EXOC4: variants seen among roughly 807,000 people sequenced by gnomAD.
EXOC4 encodes SEC8-like 1.
A neutral mutation model predicts 107.2 loss-of-function variants in EXOC4; 71 were observed. The observed-to-expected ratio is 0.66, with a 90% confidence interval of 0.55 to 0.81. The LOEUF is 0.81. Among genes scored for constraint, EXOC4 ranks in the 30% least tolerant of loss-of-function variants. The pLI, the probability that EXOC4 is intolerant of heterozygous loss-of-function variation, is 0.00. For synonymous variants in EXOC4, 456 were observed against 441.2 expected (o/e 1.03, Z -0.42); for missense variants, 1,108 against 1,189.6 (o/e 0.93, Z 1.01).
At chr7:133,311,203 C>T (rs887918699) in intron 4 of EXOC4, among the ~76,000 whole-genome samples, 5 of 151,874 alleles carry the variant, frequency 3.3e-5, no homozygotes, top group East Asian at 1.9e-4. Flanking sequence ...TGAATACATG[C>T]GTAAGAATTG....
intron 11 of EXOC4, among the ~76,000 whole-genome samples, chr7:133,822,759 T>C (rs1297493005): frequency 6.6e-6 from 1 of 152,160 alleles, no homozygotes; most frequent in Non-Finnish European, 1.5e-5. Flanking sequence ...GCCCTCTAAG[T>C]GATTTTGGTA....
intron 9 of EXOC4, among the ~76,000 whole-genome samples, chr7:133,548,961 T>C (rs1184140343): frequency 6.6e-6 from 1 of 152,218 alleles, no homozygotes; most frequent in Non-Finnish European, 1.5e-5. Flanking sequence ...TCTACGTGCC[T>C]TCCTCACTAA....
rs1478660367 is a variant in EXOC4 at position 133,952,016 on chromosome 7, C to T, written c.2206+13947C>T. On this transcript the variant is annotated intron_variant, in intron 14 of 17. Coordinates refer to ENST00000253861, the MANE Select transcript of EXOC4 (RefSeq NM_021807.4). ...ACTAAAAATACAAAAATTAGCCAAG[C>T]GTGGTGGCAGGCACCTGTAATCTCA... Among the ~76,000 whole-genome samples the T allele has an allele frequency of 7.9e-5, 12 of 152,068 alleles. 1 individual carries two copies. The highest frequency in any genetic ancestry group is 7.2e-4 in the Admixed American group (11 of 15,258).
intron 9 of EXOC4, among the ~76,000 whole-genome samples, chr7:133,484,406 G>T (rs1176387202): frequency 3.3e-5 from 5 of 152,148 alleles, no homozygotes; most frequent in African/African-American, 1.2e-4. Flanking sequence ...CCGCTTCATT[G>T]TACTTAGCAG....
At chr7:133,856,835 C>T (rs961137826) in intron 11 of EXOC4, among the ~76,000 whole-genome samples, 9 of 151,654 alleles carry the variant, frequency 5.9e-5, no homozygotes, top group African/African-American at 2.2e-4. Context: ...CCACTAAAGG[C>T]CGGGTGTGTT....
At chr7:133,463,296 G>C (rs953062368) in intron 7 of EXOC4, among the ~76,000 whole-genome samples, 1 of 152,124 alleles carries the variant, frequency 6.6e-6, no homozygotes, top group African/African-American at 2.4e-5. Context: ...CCCCGCTTTG[G>C]TGCCCTTCCT....
intron 7 of EXOC4, among the ~76,000 whole-genome samples, chr7:133,403,502 T>G (rs1797141062): frequency 6.7e-6 from 1 of 149,618 alleles, no homozygotes; most frequent in Non-Finnish European, 1.5e-5. Context: ...ATTATAGTGA[T>G]TGGCAATTAG....
At chr7:133,610,469 C>G (rs927749831) in intron 9 of EXOC4, among the ~76,000 whole-genome samples, 4 of 152,078 alleles carry the variant, frequency 2.6e-5, no homozygotes, top group African/African-American at 9.7e-5. Context: ...CTTGAAAGTT[C>G]CAACCTGTTT....
chr7:133,429,768 T>C (rs1229300073), intron 7 of EXOC4, among the ~76,000 whole-genome samples: 2 of 152,256 alleles, frequency 1.3e-5, no homozygotes, highest in East Asian at 1.9e-4. Flanking sequence ...ATCCATGTTA[T>C]AGCATGGCAG....
chr7:133,822,916 A>T (rs1394819406), intron 11 of EXOC4, among the ~76,000 whole-genome samples: 1 of 152,216 alleles, frequency 6.6e-6, no homozygotes, highest in East Asian at 1.9e-4. Flanking sequence ...GCTTTGTTTC[A>T]TGCAGGCCCA....
At chr7:133,507,272 T>C (rs558492421) in intron 9 of EXOC4, among the ~76,000 whole-genome samples, 3 of 152,308 alleles carry the variant, frequency 2.0e-5, no homozygotes, top group East Asian at 3.9e-4. Flanking sequence ...TAAAAAAATT[T>C]CCTATTAACA....
intron 9 of EXOC4, among the ~76,000 whole-genome samples, chr7:133,486,131 A>G (rs1156335911): frequency 6.6e-6 from 1 of 152,206 alleles, no homozygotes; most frequent in Non-Finnish European, 1.5e-5. Flanking sequence ...TTTGCATTAC[A>G]TAGTAAATAT....
intron 5 of EXOC4, among the ~76,000 whole-genome samples, chr7:133,326,739 A>G (rs1428364925): frequency 2.0e-5 from 3 of 152,194 alleles, no homozygotes; most frequent in African/African-American, 7.2e-5. Flanking sequence ...CAAAGCTGTC[A>G]GACAGGGACA....
At chr7:134,077,456 GCATCC>G in the EXOC4 span, among the ~76,000 whole-genome samples, 1 of 152,128 alleles carries the variant, frequency 6.6e-6, no homozygotes, top group East Asian at 1.9e-4. Flanking sequence ...AGCTATCTGG[GCATCC>G]CTTAGCTCAG....
chr7:133,972,533 C>G (rs78795340), intron 14 of EXOC4, among the ~76,000 whole-genome samples: 1,777 of 152,184 alleles, frequency 0.012, 33 homozygotes, highest in African/African-American at 0.041. Flanking sequence ...GGTATAATGA[C>G]ATTATAACAA....
At chr7:133,332,847 TATG>T (rs1418491004) in intron 5 of EXOC4, among the ~76,000 whole-genome samples, 1 of 152,192 alleles carries the variant, frequency 6.6e-6, no homozygotes, top group East Asian at 1.9e-4. Flanking sequence ...TGTCATCAAG[TATG>T]ATATTTCCTT....
Position 133,817,370 on chromosome 7 carries a change from A to G in EXOC4, c.1560A>G (p.Lys520=). 1 of 1,614,148 alleles carries G rather than the reference A, an allele frequency of 6.2e-7. No individual in the cohort carries two copies. The highest frequency in any genetic ancestry group is 8.5e-7 in the Non-Finnish European group (1 of 1,180,002). The part of the protein sequence containing the change: ...IEHALGLGPA[K]QCPLREFLTV... ...ATGCTCTGGGTCTTGGCCCAGCCAA[A>G]CAGTGTCCTCTTCGAGAGTTTCTCA... The change falls in exon 11 of 18, where the codon AAA becomes AAG. Residue 520 remains lysine (K), a synonymous_variant. Coordinates refer to ENST00000253861, the MANE Select transcript of EXOC4 (RefSeq NM_021807.4).
At chr7:133,336,908 G>A (rs1185914) in intron 5 of EXOC4, among the ~76,000 whole-genome samples, 148,851 of 151,876 alleles carry the variant, frequency 0.98, 72,994 homozygotes, top group East Asian at 1. Context: ...TAATTTTTGT[G>A]TTTTTTAGTA....
intron 8 of EXOC4, chr7:133,479,665 T>C (rs1041475311): frequency 1.5e-5 from 3 of 198,962 alleles, no homozygotes; most frequent in Non-Finnish European, 3.2e-5. Flanking sequence ...TGGCAGTCAC[T>C]GGTGACTTCT....
Sources: allele counts gnomAD v4.1 joint callset (sites outside exome capture counted in the v4.1 genomes callset), GRCh38; gene constraint gnomAD v4.1.1; transcripts MANE v1.5; gene names NCBI Gene and HGNC (gene_info 2026-07-23, HGNC 2026-07-21).